The following OTUD7A variants were observed in gnomAD, a reference collection of about 807,000 sequenced individuals.
The protein encoded by OTUD7A is OTU deubiquitinase 7A.
OTUD7A carries 12 observed loss-of-function variants against 65.7 expected under a neutral mutation model. The observed-to-expected ratio is 0.18, with a 90% CI of 0.12 to 0.30. The LOEUF is 0.30. Ranked by LOEUF, OTUD7A falls within the 10% of genes least tolerant of loss-of-function variation. The pLI is 1.00. For synonymous variants in OTUD7A, 641 were observed against 586.3 expected (o/e 1.09, Z -1.35); for missense variants, 1,148 against 1,304.8 (o/e 0.88, Z 1.85).
At chr15:31,564,495 G>A (rs1176253960) in intron 4 of OTUD7A, among the ~76,000 whole-genome samples, 1 of 151,546 alleles carries the variant, frequency 6.6e-6, no homozygotes, top group Non-Finnish European at 1.5e-5. Context: ...AAGATTGAGA[G>A]CAAGTAGAGG....
intron 3 of OTUD7A, among the ~76,000 whole-genome samples, chr15:31,578,762 G>C (rs1391679926): frequency 6.6e-6 from 1 of 152,166 alleles, no homozygotes; most frequent in Non-Finnish European, 1.5e-5. Flanking sequence ...ATGTTGGTCA[G>C]GCTGGTCTCA....
chr15:31,798,008 C>T (rs991162778), intron 1 of OTUD7A, among the ~76,000 whole-genome samples: 4 of 152,178 alleles, frequency 2.6e-5, no homozygotes, highest in Non-Finnish European at 5.9e-5. Context: ...CTTTTCACTG[C>T]GTCTTCACAT....
intron 1 of OTUD7A, among the ~76,000 whole-genome samples, chr15:31,759,766 G>T (rs1894912531): frequency 1.3e-5 from 2 of 152,034 alleles, no homozygotes; most frequent in African/African-American, 4.8e-5. Context: ...GACCTCAAGT[G>T]ATCCTGCTGC....
intron 3 of OTUD7A, among the ~76,000 whole-genome samples, chr15:31,626,408 G>C (rs1198897563): frequency 1.3e-5 from 2 of 152,028 alleles, no homozygotes; most frequent in Admixed American, 1.3e-4. Flanking sequence ...GTGGGTACAT[G>C]GTGTTCATTG....
At chr15:31,634,299 C>T (rs1468120075) in intron 3 of OTUD7A, among the ~76,000 whole-genome samples, 3 of 152,202 alleles carry the variant, frequency 2.0e-5, no homozygotes, top group Non-Finnish European at 4.4e-5. Context: ...ATGCAACCCC[C>T]TCTCTCTGCC....
At chr15:31,827,371 G>C (rs1389873117) in intron 1 of OTUD7A, among the ~76,000 whole-genome samples, 1 of 152,192 alleles carries the variant, frequency 6.6e-6, no homozygotes, top group Non-Finnish European at 1.5e-5. Context: ...GATTTTGTGA[G>C]ACGTATTCAC....
At chr15:31,526,994 TCTG>T (rs1371015707) in intron 7 of OTUD7A, among the ~76,000 whole-genome samples, 184 bp downstream of exon 7, 6 of 152,194 alleles carry the variant, frequency 3.9e-5, no homozygotes, top group African/African-American at 1.4e-4. Context: ...CTGCCGGGAC[TCTG>T]CTATTTTAAC....
chr15:31,689,685 C>T (rs370989391), intron 1 of OTUD7A, among the ~76,000 whole-genome samples: 1 of 152,182 alleles, frequency 6.6e-6, no homozygotes, highest in African/African-American at 2.4e-5. Context: ...AACACACGAT[C>T]CCACCCTTTA....
chr15:31,486,031 C>G (rs960322199), intron 12 of OTUD7A, among the ~76,000 whole-genome samples: 1 of 152,190 alleles, frequency 6.6e-6, no homozygotes, highest in African/African-American at 2.4e-5. Flanking sequence ...CTGGTGCTAG[C>G]AGGAGCGCAC....
chr15:31,562,718 G>T (rs1396773024), intron 4 of OTUD7A, among the ~76,000 whole-genome samples: 4 of 152,184 alleles, frequency 2.6e-5, no homozygotes, highest in African/African-American at 7.2e-5. Context: ...TTCCTAAAGG[G>T]TGAGACAGAA....
rs140907302 is a variant in OTUD7A, at chr15:31,741,320, A to G, written c.-99-84243T>C. On this transcript the variant is annotated intron_variant, in intron 1 of 12. Transcript: ENST00000307050. ...AAAAAGTAAGATTGGCCACAACTTC[A>G]TAATTTTTTAAAAAAATTTTTTATT... 6.4e-4 allele frequency among the ~76,000 whole-genome samples: 98 copies of G among 152,338 alleles called. 2 individuals carry two copies. The East Asian group carries it at 0.012, about 19-fold the overall frequency.
chr15:31,664,788 C>G (rs1892273984), intron 1 of OTUD7A, among the ~76,000 whole-genome samples: 1 of 152,170 alleles, frequency 6.6e-6, no homozygotes, highest in Non-Finnish European at 1.5e-5. Context: ...TTTATAGTTT[C>G]AGGTCTTAGA....
intron 1 of OTUD7A, among the ~76,000 whole-genome samples, chr15:31,657,870 T>C (rs1402214029): frequency 1.3e-5 from 2 of 152,190 alleles, no homozygotes; most frequent in Non-Finnish European, 2.9e-5. Context: ...CTCAGCCGCT[T>C]TGAACAGCAT....
intron 1 of OTUD7A, among the ~76,000 whole-genome samples, chr15:31,732,015 G>A (rs1894058056): frequency 6.6e-6 from 1 of 152,162 alleles, no homozygotes. Context: ...CAGGAGGAGG[G>A]AGATACAGGA....
chr15:31,748,903 G>A (rs1351829353), intron 1 of OTUD7A, among the ~76,000 whole-genome samples: 17 of 151,972 alleles, frequency 1.1e-4, no homozygotes, highest in Admixed American at 1.1e-3. Flanking sequence ...GCATGGAAAG[G>A]TGCTGAACTT....
chr15:31,770,540 G>C (rs560908291), intron 1 of OTUD7A, among the ~76,000 whole-genome samples: 1 of 152,290 alleles, frequency 6.6e-6, no homozygotes, highest in East Asian at 1.9e-4. Flanking sequence ...TAAAATACTG[G>C]AGGAGGGAAC....
At chr15:31,589,752 G>T (rs916885479) in intron 3 of OTUD7A, among the ~76,000 whole-genome samples, 2 of 152,022 alleles carry the variant, frequency 1.3e-5, no homozygotes, top group Non-Finnish European at 2.9e-5. Flanking sequence ...ACATCCAAAA[G>T]CTAAACTAAA....
At chr15:31,614,875 T>C (rs1183205715) in intron 3 of OTUD7A, among the ~76,000 whole-genome samples, 1 of 152,148 alleles carries the variant, frequency 6.6e-6, no homozygotes, top group African/African-American at 2.4e-5. Context: ...AGGGGCTAAA[T>C]GGTGTTCAGA....
intron 1 of OTUD7A, among the ~76,000 whole-genome samples, chr15:31,868,149 G>A (rs1190580122): frequency 6.6e-6 from 1 of 152,224 alleles, no homozygotes; most frequent in Non-Finnish European, 1.5e-5. Context: ...CTTAGAAACG[G>A]AAGATGTGAC....
Sources: allele counts gnomAD v4.1 joint callset (sites outside exome capture counted in the v4.1 genomes callset), GRCh38; gene constraint gnomAD v4.1.1; transcripts MANE v1.5; gene names NCBI Gene and HGNC (gene_info 2026-07-23, HGNC 2026-07-21).